Variants in TOP6BL observed in about 807,000 individuals in gnomAD.
TOP6BL encodes TOP6B like initiator of meiotic double strand breaks.
chr11:66,762,298 C>T, the TOP6BL span: 1 of 435,260 alleles, frequency 2.3e-6, no homozygotes. Context: ...AGCCGGGGCG[C>T]CGGCCAGGAG....
At chr11:66,830,920 A>C in the TOP6BL span, among the ~76,000 whole-genome samples, 1 of 152,220 alleles carries the variant, frequency 6.6e-6, no homozygotes, top group African/African-American at 2.4e-5. Context: ...AAAACTCATT[A>C]ATAAGAACAC....
the TOP6BL span, chr11:66,788,376 A>G: frequency 1.2e-6 from 1 of 854,798 alleles, no homozygotes; most frequent in Non-Finnish European, 1.8e-6. Context: ...CCAAGCTGGA[A>G]TGAAATAAGG....
At chr11:66,773,732 G>A in the TOP6BL span, among the ~76,000 whole-genome samples, 1 of 151,976 alleles carries the variant, frequency 6.6e-6, no homozygotes, top group Non-Finnish European at 1.5e-5. Flanking sequence ...GACATTTTAT[G>A]TAATTTCTTT....
chr11:66,793,722 A>G, the TOP6BL span, among the ~76,000 whole-genome samples: 1 of 152,062 alleles, frequency 6.6e-6, no homozygotes, highest in Non-Finnish European at 1.5e-5. Context: ...CTGGGATTAC[A>G]GGTGTGAGCC....
At chr11:66,744,968 G>T in the TOP6BL span, 4 of 1,241,296 alleles carry the variant, frequency 3.2e-6, no homozygotes, top group Non-Finnish European at 4.1e-6. Context: ...TGAGGAGACG[G>T]GCTTTGTGAG....
chr11:66,775,337 C>T, the TOP6BL span, among the ~76,000 whole-genome samples: 3 of 152,190 alleles, frequency 2.0e-5, no homozygotes, highest in African/African-American at 4.8e-5. Flanking sequence ...ATAAGGGGCT[C>T]GACCAAGAGC....
chr11:66,788,374 G>C, the TOP6BL span: 5 of 874,994 alleles, frequency 5.7e-6, no homozygotes, highest in Non-Finnish European at 8.7e-6. Context: ...TTCCAAGCTG[G>C]AATGAAATAA....
the TOP6BL span, chr11:66,816,175 C>T: frequency 6.2e-7 from 1 of 1,609,478 alleles, no homozygotes; most frequent in South Asian, 1.1e-5. Context: ...CAGTGCATTT[C>T]CAGTCCAGCA....
chr11:66,776,621 C>T, the TOP6BL span, among the ~76,000 whole-genome samples: 1 of 151,862 alleles, frequency 6.6e-6, no homozygotes, highest in Non-Finnish European at 1.5e-5. Context: ...GTCCCCATCT[C>T]TTAGAAGAAA....
the TOP6BL span, chr11:66,788,012 G>A: frequency 3.3e-5 from 18 of 552,350 alleles, no homozygotes; most frequent in Non-Finnish European, 5.9e-5. Flanking sequence ...CTGATGCATA[G>A]CCATTTCCAG....
At chr11:66,838,467 T>A in the TOP6BL span, 9 of 1,606,220 alleles carry the variant, frequency 5.6e-6, no homozygotes, top group Non-Finnish European at 7.7e-6. Context: ...GCTTTTCAAG[T>A]GAGCCCTGGA....
chr11:66,756,354 A>G, the TOP6BL span: 15 of 1,179,798 alleles, frequency 1.3e-5, no homozygotes, highest in African/African-American at 2.0e-4. Flanking sequence ...TTTTCTCAGG[A>G]TGGAGTCTCA....
chr11:66,838,443 C>A, the TOP6BL span: 1 of 1,613,514 alleles, frequency 6.2e-7, no homozygotes, highest in East Asian at 2.2e-5. Context: ...GAGCTCCTAG[C>A]AGGTAAGGTT....
chr11:66,803,977 T>G, the TOP6BL span: 1 of 1,568,924 alleles, frequency 6.4e-7, no homozygotes, highest in Non-Finnish European at 8.7e-7. Context: ...TAAATTTGAC[T>G]TGTCTGTTTT....
the TOP6BL span, chr11:66,761,610 G>A: frequency 7.6e-6 from 9 of 1,189,914 alleles, no homozygotes; most frequent in Non-Finnish European, 1.0e-5. Context: ...AGGTCTTCAA[G>A]AAAAGTAATG....
chr11:66,772,583 A>G, the TOP6BL span, among the ~76,000 whole-genome samples: 1 of 152,254 alleles, frequency 6.6e-6, no homozygotes, highest in African/African-American at 2.4e-5. Context: ...AGCCTCGCCA[A>G]CATGGCGAAA....
At chr11:66,781,050 C>A in the TOP6BL span, among the ~76,000 whole-genome samples, 1 of 151,986 alleles carries the variant, frequency 6.6e-6, no homozygotes, top group Non-Finnish European at 1.5e-5. Flanking sequence ...ATTTATCCTC[C>A]TTGGGGTTTG....
chr11:66,784,495 A>G, the TOP6BL span, among the ~76,000 whole-genome samples: 1 of 152,116 alleles, frequency 6.6e-6, no homozygotes, highest in Non-Finnish European at 1.5e-5. Context: ...ATTCCAGTAC[A>G]TTTTCATCCA....
At chr11:66,766,006 G>A in the TOP6BL span, among the ~76,000 whole-genome samples, 3 of 152,146 alleles carry the variant, frequency 2.0e-5, no homozygotes, top group African/African-American at 7.2e-5. Context: ...TCCATTTACT[G>A]ATCTTTACAC....
Sources: gnomAD v4.1 joint callset for allele counts (sites outside exome capture counted in the v4.1 genomes callset) on GRCh38, gnomAD v4.1.1 for gene constraint, MANE v1.5 for transcripts, NCBI Gene and HGNC (gene_info 2026-07-23, HGNC 2026-07-21) for gene names.